Variants in KHDRBS2 observed in about 807,000 individuals in gnomAD.
KHDRBS2 encodes KH RNA binding domain containing, signal transduction associated 2.
A neutral mutation model predicts 44.3 loss-of-function variants in KHDRBS2; 26 were observed. The ratio of observed to expected loss-of-function variants is 0.59; its 90% CI spans 0.43 to 0.81. The LOEUF is 0.81. Ranked by LOEUF, KHDRBS2 falls within the 40% of genes least tolerant of loss-of-function variation. The pLI, the probability that KHDRBS2 is intolerant of heterozygous loss-of-function variation, is 0.00. For synonymous variants in KHDRBS2, 194 were observed against 151.1 expected, an observed-to-expected ratio of 1.28 and a Z score of -2.08; for missense variants, 476 against 433.1, an observed-to-expected ratio of 1.10 and a Z score of -0.88.
At chr6:61,949,836 A>G (rs918330131) in intron 4 of KHDRBS2, among the ~76,000 whole-genome samples, 1 of 152,132 alleles carries the variant, frequency 6.6e-6, no homozygotes. Context: ...AAACAAAAAC[A>G]TCCATAAATT....
At chr6:62,192,663 C>T (rs1401336741) in intron 1 of KHDRBS2, among the ~76,000 whole-genome samples, 1 of 152,150 alleles carries the variant, frequency 6.6e-6, no homozygotes, top group Non-Finnish European at 1.5e-5. Context: ...AAAATTCCAA[C>T]TCTGTCAATA....
At chr6:62,011,973 A>T (rs1780381582) in intron 3 of KHDRBS2, among the ~76,000 whole-genome samples, 1 of 152,172 alleles carries the variant, frequency 6.6e-6, no homozygotes, top group Non-Finnish European at 1.5e-5. Flanking sequence ...ATACACAAGA[A>T]AAAAGTGGTA....
Position 61,978,191 on chromosome 6 carries a change from C to T in KHDRBS2, c.358G>A (p.Gly120Arg). The T allele has an allele frequency of 6.2e-7, 1 of 1,606,492 alleles. No homozygotes were observed. The highest frequency in any genetic ancestry group is 8.5e-7 in the Non-Finnish European group (1 of 1,177,376). The change falls in exon 4 of 9, where the codon GGG becomes AGG. Residue 120 changes from glycine (G) to arginine (R), a missense_variant. By Grantham distance (125) the Gly-to-Arg change is moderately radical. Transcript: ENST00000281156. Reference sequence around the variant, plus strand: ...CTCAAGTGGGCATATTTGGCTTCCCCACTCTTCCTTAGTTCTTCTTCCTGT... The same window carrying T: ...CTCAAGTGGGCATATTTGGCTTCCCTACTCTTCCTTAGTTCTTCTTCCTGT... Reference protein sequence around the residue: ...KAKEEELRKSGEAKYAHLSDE... With the variant: ...KAKEEELRKSREAKYAHLSDE...
intron 1 of KHDRBS2, among the ~76,000 whole-genome samples, chr6:62,262,393 A>C (rs1838496634): frequency 6.6e-6 from 1 of 151,670 alleles, no homozygotes; most frequent in Admixed American, 6.6e-5. Context: ...GGTGAAATTA[A>C]CCCCAACTGA....
At chr6:61,939,462 G>GT (rs914033931) in intron 4 of KHDRBS2, among the ~76,000 whole-genome samples, 1 of 151,880 alleles carries the variant, frequency 6.6e-6, no homozygotes, top group African/African-American at 2.4e-5. Context: ...ATCTTTGAAA[G>GT]TTTTTTTTCA....
intron 8 of KHDRBS2, among the ~76,000 whole-genome samples, chr6:61,686,141 T>C: frequency 6.6e-6 from 1 of 151,712 alleles, no homozygotes; most frequent in East Asian, 1.9e-4. Flanking sequence ...TGTCTGTATA[T>C]CTGAAATATG....
At chr6:61,991,104 C>T (rs1776061519) in intron 3 of KHDRBS2, among the ~76,000 whole-genome samples, 3 of 152,152 alleles carry the variant, frequency 2.0e-5, no homozygotes, top group African/African-American at 4.8e-5. Context: ...ATCATTTTGA[C>T]TTTTCCACTA....
chr6:62,155,813 T>A (rs1438253355), intron 2 of KHDRBS2, among the ~76,000 whole-genome samples: 1 of 152,202 alleles, frequency 6.6e-6, no homozygotes, highest in Admixed American at 6.5e-5. Flanking sequence ...GTCATTTACA[T>A]GAAGGGTGAA....
chr6:61,960,978 A>T (rs1303519528), intron 4 of KHDRBS2, among the ~76,000 whole-genome samples: 1 of 152,196 alleles, frequency 6.6e-6, no homozygotes, highest in Non-Finnish European at 1.5e-5. Flanking sequence ...TTTATAATAC[A>T]ATTGAAGTAG....
intron 4 of KHDRBS2, among the ~76,000 whole-genome samples, chr6:61,942,432 GA>G (rs949136239): frequency 5.0e-4 from 75 of 150,810 alleles, no homozygotes; most frequent in South Asian, 1.1e-3. Context: ...TGAAATGAAG[GA>G]AAAAAAATAC....
chr6:61,871,056 CCT>C (rs1156439270), intron 6 of KHDRBS2, among the ~76,000 whole-genome samples: 1 of 152,058 alleles, frequency 6.6e-6, no homozygotes, highest in East Asian at 1.9e-4. Context: ...ATAACAAATT[CCT>C]CTGAGCTAAA....
At chr6:62,047,768 G>T in intron 3 of KHDRBS2, 110 bp downstream of exon 3, 1 of 712,314 alleles carries the variant, frequency 1.4e-6, no homozygotes, top group Non-Finnish European at 2.5e-6. Context: ...CCAGGAAATG[G>T]AAATCATAGG....
intron 1 of KHDRBS2, among the ~76,000 whole-genome samples, chr6:62,204,861 T>C (rs1827674896): frequency 5.9e-5 from 9 of 151,910 alleles, no homozygotes. Context: ...GTATTTTCCA[T>C]GTGTATTTTG....
intron 2 of KHDRBS2, among the ~76,000 whole-genome samples, chr6:62,101,488 C>A (rs1267667637): frequency 6.6e-6 from 1 of 152,054 alleles, no homozygotes; most frequent in South Asian, 2.1e-4. Flanking sequence ...TGTCAAGGTA[C>A]AAGGAGGAAA....
intron 6 of KHDRBS2, among the ~76,000 whole-genome samples, chr6:61,862,523 C>T (rs1797142527): frequency 6.6e-6 from 1 of 152,092 alleles, no homozygotes; most frequent in African/African-American, 2.4e-5. Flanking sequence ...GAACACTTAA[C>T]ATAAAGTGAG....
chr6:61,950,029 G>C (rs541654911), intron 4 of KHDRBS2, among the ~76,000 whole-genome samples: 4 of 152,018 alleles, frequency 2.6e-5, no homozygotes, highest in Non-Finnish European at 5.9e-5. Flanking sequence ...AAAGCTGGTT[G>C]TTGTTATTTC....
chr6:61,792,677 A>C (rs1487288033), intron 6 of KHDRBS2, among the ~76,000 whole-genome samples: 3 of 151,858 alleles, frequency 2.0e-5, no homozygotes, highest in Non-Finnish European at 4.4e-5. Context: ...ATTAGAAAAC[A>C]CACCAAAAAA....
chr6:61,777,729 A>G (rs1156355742), intron 6 of KHDRBS2, among the ~76,000 whole-genome samples: 2 of 152,122 alleles, frequency 1.3e-5, no homozygotes, highest in Admixed American at 6.6e-5. Flanking sequence ...GAGCATAAAA[A>G]CAGATTCTTG....
At chr6:61,610,079 G>A in the KHDRBS2 span, among the ~76,000 whole-genome samples, 1 of 152,074 alleles carries the variant, frequency 6.6e-6, no homozygotes, top group South Asian at 2.1e-4. Context: ...GGGAGGCTGA[G>A]GCAGGAGAAT....
Sources: allele counts gnomAD v4.1 joint callset (sites outside exome capture counted in the v4.1 genomes callset), GRCh38; gene constraint gnomAD v4.1.1; transcripts MANE v1.5; gene names NCBI Gene and HGNC (gene_info 2026-07-23, HGNC 2026-07-21).